The following PCDHGA5 variants were observed in gnomAD, a reference collection of about 807,000 sequenced individuals.
PCDHGA5 encodes the protein protocadherin gamma-A5.
A neutral mutation model predicts 56.7 loss-of-function variants in PCDHGA5; 36 were observed. The observed-to-expected ratio is 0.64, with a 90% CI of 0.49 to 0.84. The LOEUF (loss-of-function observed/expected upper bound fraction) is 0.84, where lower values mean the gene tolerates loss of function less well. Among genes scored for constraint, PCDHGA5 ranks in the 40% least tolerant of loss-of-function variants. The probability of loss-of-function intolerance (pLI) is 0.00; values close to 1 mark genes in which losing one functional copy is unlikely to be tolerated. For missense variants in PCDHGA5, 1,305 were observed against 1,201.5 expected, an observed-to-expected ratio of 1.09 and a Z score of -1.27; for synonymous variants, 563 against 520.2, an observed-to-expected ratio of 1.08 and a Z score of -1.12.
chr5:141,413,690 A>T lies in PCDHGA5; in HGVS notation c.2421+46939A>T, dbSNP rs553462819. On this transcript the variant is annotated intron_variant, in intron 1 of 3. Transcript: ENST00000518069. ...CCGGATGTGGGCGTGAACTCCCTGC[A>T]GAGCTATCAGCTCAGCCCCAATAAG... 9.9e-6 allele frequency: 16 copies of T among 1,613,702 alleles called. No individual in the cohort carries two copies. The East Asian group carries it at 2.9e-4, about 29-fold the overall frequency.
At chr5:141,394,742 G>A (rs752402821) in intron 1 of PCDHGA5, 5 of 1,613,300 alleles carry the variant, frequency 3.1e-6, no homozygotes, top group African/African-American at 1.3e-5. Flanking sequence ...AGAGCCTCGT[G>A]GTGGCCGTCC....
At chr5:141,400,883 A>G (rs1017003447) in intron 1 of PCDHGA5, among the ~76,000 whole-genome samples, 1 of 152,232 alleles carries the variant, frequency 6.6e-6, no homozygotes, top group Non-Finnish European at 1.5e-5. Flanking sequence ...AATTTAATGT[A>G]TGTAATCATT....
intron 1 of PCDHGA5, chr5:141,478,581 T>C: frequency 6.3e-7 from 1 of 1,580,158 alleles, no homozygotes; most frequent in Non-Finnish European, 8.6e-7. Flanking sequence ...ACCCTGTTAG[T>C]GCTTTTTTAT....
chr5:141,431,325 G>A lies in PCDHGA5; in HGVS notation c.2422-63482G>A. On this transcript the variant is annotated intron_variant, in intron 1 of 3. Transcript: ENST00000518069. The surrounding 1 kb of genome is among the most constrained non-coding windows in gnomAD (Gnocchi z 4.8). ...ATCGTGCAAAATGGAGCCGACGGTA[G>A]TAAGTACCCCGAATTGGTGCTGAAA... is the stretch of plus-strand genomic sequence containing the variant. 6.2e-7 allele frequency: 1 copy of A among 1,614,144 alleles called. No homozygotes were observed. The highest frequency in any genetic ancestry group is 8.5e-7 in the Non-Finnish European group (1 of 1,180,052).
intron 3 of PCDHGA5, among the ~76,000 whole-genome samples, chr5:141,510,741 C>A (rs11953770): frequency 1.3e-5 from 2 of 152,138 alleles, no homozygotes; most frequent in Non-Finnish European, 1.5e-5. Context: ...GGAATCAAAC[C>A]TAGACTTTCT....
chr5:141,419,830 T>G, intron 1 of PCDHGA5: 1 of 1,614,052 alleles, frequency 6.2e-7, no homozygotes, highest in African/African-American at 1.3e-5. Context: ...TTTCAGCCAC[T>G]GCCACGCTGC....
intron 1 of PCDHGA5, among the ~76,000 whole-genome samples, chr5:141,442,921 CATTTTCTA>C (rs1366534082): frequency 6.6e-6 from 1 of 152,196 alleles, no homozygotes. Context: ...ACAACTGTTT[CATTTTCTA>C]TTTAAGAAAC....
chr5:141,462,999 C>T (rs1360054048), intron 1 of PCDHGA5, among the ~76,000 whole-genome samples: 1 of 152,068 alleles, frequency 6.6e-6, no homozygotes, highest in Non-Finnish European at 1.5e-5. Flanking sequence ...TAATTTAGAC[C>T]TACCACTTAA....
At chr5:141,410,178 C>G in intron 1 of PCDHGA5, 2 of 1,613,890 alleles carry the variant, frequency 1.2e-6, no homozygotes, top group South Asian at 1.1e-5. Flanking sequence ...GCCACCGCCA[C>G]GCTTCATCTG....
At chr5:141,411,341 G>A (rs903980826) in intron 1 of PCDHGA5, 4 of 152,064 alleles carry the variant, frequency 2.6e-5, no homozygotes, top group Admixed American at 6.5e-5. Context: ...AGGCTGAATC[G>A]GAAAGTATCA....
chr5:141,469,395 T>G lies in PCDHGA5; in HGVS notation c.2422-25412T>G, dbSNP rs1332746609. ...ATCGAGACCATCCTGGCCAACATGG[T>G]GAAACCCCGTTTCTACTAAAAATAT... On this transcript the variant is annotated intron_variant, in intron 1 of 3. Transcript: ENST00000518069. Among the ~76,000 whole-genome samples, 6 of 152,194 alleles carry G rather than the reference T, an allele frequency of 3.9e-5. No homozygotes were observed. The East Asian group carries it at 1.2e-3, about 29-fold the overall frequency.
chr5:141,442,797 G>A (rs140116155), intron 1 of PCDHGA5, among the ~76,000 whole-genome samples: 1,916 of 152,222 alleles, frequency 0.013, 22 homozygotes, highest in Non-Finnish European at 0.02. Context: ...ATTTTACTTT[G>A]ATATTCAAAT....
intron 1 of PCDHGA5, chr5:141,478,233 T>G: frequency 6.2e-7 from 1 of 1,614,126 alleles, no homozygotes. Context: ...GTGGGGTTTG[T>G]GGTCACAGTG....
At position 141,400,283 on chromosome 5, in the gene PCDHGA5, C is replaced by T. The variant is rs566639489; in HGVS notation, c.2421+33532C>T. 2.5e-6 allele frequency: 4 copies of T among 1,614,084 alleles called. No individual in the cohort carries two copies. In the African/African-American group the frequency reaches 5.3e-5, roughly 22 times the overall value. On this transcript the variant is annotated intron_variant, in intron 1 of 3. Coordinates refer to ENST00000518069, the MANE Select transcript of PCDHGA5 (RefSeq NM_018918.3). The stretch of plus-strand genomic sequence containing the variant: ...CTGCGACGCTCCTCCAGCCCTGCCG[C>T]CTGGAGCTGCTTCCAACCTGGTCTC...
At position 141,366,426 on chromosome 5, in the gene PCDHGA5, C is replaced by T. The variant is rs764011656; in HGVS notation, c.2096C>T (p.Ala699Val). Residue 699 changes from alanine to valine, a missense_variant, in exon 1 of 4, where the codon GCA (alanine) becomes GTA (valine). Physicochemically the swap from Ala to Val is moderately conservative, Grantham distance 64. Transcript: ENST00000518069. ...LTLYLVVAVA[A>V]VSCVFLAFVI... ...CTCTATCTTGTGGTGGCAGTGGCTG[C>T]AGTCTCCTGCGTCTTCCTGGCCTTC... 1.7e-5 allele frequency: 27 copies of T among 1,613,942 alleles called. No homozygotes were observed. Among genetic ancestry groups the T allele is most frequent in the Middle Eastern group, 1.6e-4 (1 of 6,084 alleles).
chr5:141,421,964 C>T (rs772274014), intron 1 of PCDHGA5: 3 of 1,611,472 alleles, frequency 1.9e-6, no homozygotes, highest in Non-Finnish European at 1.7e-6. Flanking sequence ...TTTACACAGT[C>T]CGTATATCGC....
At chr5:141,461,190 T>C (rs2099010725) in intron 1 of PCDHGA5, among the ~76,000 whole-genome samples, 1 of 152,142 alleles carries the variant, frequency 6.6e-6, no homozygotes, top group Non-Finnish European at 1.5e-5. Context: ...TAGATCTGTT[T>C]TTTGCTCTTT....
At chr5:141,372,282 C>G (rs1163647309) in intron 1 of PCDHGA5, 3 of 1,613,202 alleles carry the variant, frequency 1.9e-6, no homozygotes, top group East Asian at 2.2e-5. Flanking sequence ...GCGCACGGCG[C>G]GTACCTTGGG....
At chr5:141,494,783 C>G (rs2099756910) in intron 1 of PCDHGA5, 24 bp from the exon 2 acceptor site, 2 of 1,613,964 alleles carry the variant, frequency 1.2e-6, no homozygotes, top group Admixed American at 3.3e-5. Context: ...GTACTCAGCC[C>G]CTTTCCCTCT....
Sources: gnomAD v4.1 joint callset for allele counts (sites outside exome capture counted in the v4.1 genomes callset) on GRCh38, gnomAD v4.1.1 for gene constraint, Gnocchi (gnomAD v3.1) non-coding constraint, MANE v1.5 for transcripts, NCBI Gene and HGNC (gene_info 2026-07-23, HGNC 2026-07-21) for gene names.